ZMYM1: variants seen among roughly 807,000 people sequenced by gnomAD.
The protein encoded by ZMYM1 is zinc finger MYM-type protein 1.
Under a neutral mutation model 60.0 loss-of-function variants are expected in ZMYM1, and 39 were observed. That is an observed-to-expected ratio of 0.65 (90% confidence interval 0.50 to 0.85). ZMYM1 has a LOEUF of 0.85. Among genes scored for constraint, ZMYM1 ranks in the 40% least tolerant of loss-of-function variants. ZMYM1 has a pLI of 0.00. For synonymous variants in ZMYM1, 413 were observed against 454.0 expected (o/e 0.91, Z 1.15); for missense variants, 1,171 against 1,309.5 (o/e 0.89, Z 1.63).
chr1:35,092,154 C>T (rs1163513686), intron 1 of ZMYM1, among the ~76,000 whole-genome samples: 2 of 152,004 alleles, frequency 1.3e-5, no homozygotes, highest in Non-Finnish European at 2.9e-5. Context: ...TCGAACTCCT[C>T]ACCTCAGGTG....
chr1:35,096,447 G>A (rs1643327337), intron 3 of ZMYM1, among the ~76,000 whole-genome samples: 1 of 151,868 alleles, frequency 6.6e-6, no homozygotes, highest in South Asian at 2.1e-4. Context: ...GCAACATAGC[G>A]AGATCCTGTC....
At chr1:35,099,256 T>C (rs572946427) in intron 4 of ZMYM1, among the ~76,000 whole-genome samples, 1 of 152,340 alleles carries the variant, frequency 6.6e-6, no homozygotes, top group Non-Finnish European at 1.5e-5. Context: ...CTCTTTTGCT[T>C]TTCAACCCTT....
At chr1:35,106,499 C>G (rs1643892015) in intron 6 of ZMYM1, among the ~76,000 whole-genome samples, 1 of 150,178 alleles carries the variant, frequency 6.7e-6, no homozygotes, top group African/African-American at 2.5e-5. Flanking sequence ...ATCCCAACTA[C>G]TTGGGAGGCT....
intron 1 of ZMYM1, among the ~76,000 whole-genome samples, chr1:35,068,583 TG>T (rs1642015203): frequency 1.3e-5 from 2 of 149,804 alleles, no homozygotes; most frequent in South Asian, 4.2e-4. Context: ...GGAAATTCCA[TG>T]AAGAGACAGC....
chr1:35,079,682 C>G (rs1569858803), intron 1 of ZMYM1, among the ~76,000 whole-genome samples: 1 of 152,226 alleles, frequency 6.6e-6, no homozygotes, highest in East Asian at 2.0e-4. Flanking sequence ...TAGTGCTCCC[C>G]GCTTCCAGCG....
At chr1:35,095,038 G>A (rs1643232381) in intron 2 of ZMYM1, among the ~76,000 whole-genome samples, 1 of 151,982 alleles carries the variant, frequency 6.6e-6, no homozygotes, top group Non-Finnish European at 1.5e-5. Context: ...TACTCATCTA[G>A]GAACTATCTA....
intron 4 of ZMYM1, among the ~76,000 whole-genome samples, chr1:35,100,492 T>C (rs1400463313): frequency 3.3e-5 from 5 of 151,750 alleles, no homozygotes; most frequent in African/African-American, 4.8e-5. Flanking sequence ...CGTGGTGGTG[T>C]GTGCCTGTAA....
chr1:35,117,598 A>G (rs143476344), downstream of ZMYM1, among the ~76,000 whole-genome samples: 2,134 of 152,092 alleles, frequency 0.014, 58 homozygotes, highest in African/African-American at 0.048. Context: ...CTGGGATTAC[A>G]GGCATAAGCC....
rs1226224354 is a variant in ZMYM1 at position 35,113,578 on chromosome 1, A to C, written c.1748A>C (p.Lys583Thr). ...GACCAGTCAGTTTCATCTGTGAATA[A>C]AGGCAATTTTTTAGAATTGTTAGAA... ...GNDQSVSSVN[K>T]GNFLELLEMR... is the part of the protein sequence containing the mutation. The change falls in exon 10 of 10, where the codon AAA becomes ACA. Residue 583 changes from lysine to threonine, a missense_variant. By Grantham distance (78) the Lys-to-Thr change is moderately conservative. Coordinates refer to ENST00000359858, the MANE Select transcript of ZMYM1 (RefSeq NM_024772.5). 1.9e-6 allele frequency: 3 copies of C among 1,613,808 alleles called. No individual in the cohort carries two copies. The highest frequency in any genetic ancestry group is 2.5e-6 in the Non-Finnish European group (3 of 1,179,890).
At chr1:35,076,534 T>C (rs1175187047), upstream of ZMYM1, among the ~76,000 whole-genome samples, 1 of 151,542 alleles carries the variant, frequency 6.6e-6, no homozygotes, top group Non-Finnish European at 1.5e-5. Context: ...GGCAGGATAA[T>C]CACTTGAACC....
At chr1:35,107,231 C>T (rs1639471708) in intron 6 of ZMYM1, among the ~76,000 whole-genome samples, 1 of 143,616 alleles carries the variant, frequency 7.0e-6, no homozygotes, top group South Asian at 2.3e-4. Flanking sequence ...GAGGCTGAGG[C>T]GGGTGGATCA....
upstream of ZMYM1, among the ~76,000 whole-genome samples, chr1:35,077,092 C>G (rs371554176): frequency 9.1e-4 from 138 of 152,256 alleles, 2 homozygotes; most frequent in South Asian, 0.021. Context: ...CCTACATCTA[C>G]TGCTTGAAAT....
In ZMYM1 at chr1:35,104,338, GAC is replaced by G; in HGVS notation, c.466_467del (p.Thr156TyrfsTer16). ...GGATGTGATTAGTGTCCAGCTGGAA[GAC>G]ACTACCTCTTGCAAAACTTTTTGCA... Reference protein sequence around the residue: ...PKDVISVQLEDTTSCKTFCSL... With the variant: ...PKDVISVQLEXTTSCKTFCSL... On this transcript the variant is annotated frameshift_variant, in exon 5 of 10. Coordinates refer to ENST00000359858, the MANE Select transcript of ZMYM1 (RefSeq NM_024772.5). LOFTEE classifies it high-confidence loss of function. 6.2e-7 allele frequency: 1 copy of G among 1,607,712 alleles called. No homozygotes were observed. Among genetic ancestry groups the G allele is most frequent in the Non-Finnish European group, 8.5e-7 (1 of 1,178,320 alleles).
intron 1 of ZMYM1, among the ~76,000 whole-genome samples, chr1:35,061,439 AAGAT>A (rs927459368): frequency 3.9e-5 from 6 of 152,204 alleles, no homozygotes; most frequent in African/African-American, 1.4e-4. Flanking sequence ...TCTGTCAATC[AAGAT>A]AGATAGATAT....
In ZMYM1 at chr1:35,093,935, G is replaced by T; in HGVS notation, c.-53G>T. The T allele has an allele frequency of 7.6e-7, 1 of 1,314,528 alleles. No homozygotes were observed. The highest frequency in any genetic ancestry group is 1.4e-5 in the South Asian group (1 of 72,906). 81.4% of individuals were successfully genotyped at this position (1,314,528 alleles called of 1,614,324 possible). On this transcript the variant is annotated 5_prime_UTR_variant, in exon 2 of 10. The change creates a new upstream start codon in the 5' untranslated region. Coordinates refer to ENST00000359858, the MANE Select transcript of ZMYM1 (RefSeq NM_024772.5). ...TTAGGAATCTGGAAACTGTTCTTCA[G>T]GAAGAAACCCATTAGTTTGGAACTG...
At chr1:35,097,621 A>C (rs749814684) in intron 4 of ZMYM1, 55 bp downstream of exon 4, 2 of 1,588,168 alleles carry the variant, frequency 1.3e-6, no homozygotes, top group Non-Finnish European at 1.7e-6. Context: ...TCTTGATCAT[A>C]GTCTTAGTTG....
intron 1 of ZMYM1, among the ~76,000 whole-genome samples, chr1:35,073,375 A>AAGGAAGGAAGG (rs371648084): frequency 3.9e-5 from 3 of 75,964 alleles, no homozygotes; most frequent in Non-Finnish European, 6.3e-5. Context: ...GGAAGGAAGG[A>AAGGAAGGAAGG]AAGAAAGGAA....
chr1:35,081,724 C>T (rs902260540), intron 1 of ZMYM1, among the ~76,000 whole-genome samples: 1 of 152,112 alleles, frequency 6.6e-6, no homozygotes, highest in South Asian at 2.1e-4. Flanking sequence ...GAGACGGAGT[C>T]GCACTGTGTC....
chr1:35,062,801 A>C (rs950475382), intron 1 of ZMYM1, among the ~76,000 whole-genome samples: 1 of 152,260 alleles, frequency 6.6e-6, no homozygotes, highest in Non-Finnish European at 1.5e-5. Flanking sequence ...AGGCAGAACC[A>C]GGGACCTCCC....
Sources: allele counts gnomAD v4.1 joint callset (sites outside exome capture counted in the v4.1 genomes callset), GRCh38; gene constraint gnomAD v4.1.1; transcripts MANE v1.5; gene names NCBI Gene and HGNC (gene_info 2026-07-23, HGNC 2026-07-21).